The following ERG variants were observed in gnomAD, a reference collection of about 807,000 sequenced individuals.
The protein encoded by ERG is transcriptional regulator ERG.
ERG carries 9 observed loss-of-function variants against 55.3 expected under a neutral mutation model. The ratio of observed to expected loss-of-function variants is 0.16; its 90% confidence interval spans 0.10 to 0.28. ERG has a LOEUF of 0.28. ERG is among the 10% of genes least tolerant of loss of function. The pLI, the probability that ERG is intolerant of heterozygous loss-of-function variation, is 1.00. For synonymous variants in ERG, 223 were observed against 237.3 expected (o/e 0.94, Z 0.55); for missense variants, 434 against 631.6 (o/e 0.69, Z 3.35).
intron 2 of ERG, among the ~76,000 whole-genome samples, chr21:38,434,270 T>G (rs934165610): frequency 6.6e-6 from 1 of 152,124 alleles, no homozygotes; most frequent in African/African-American, 2.4e-5. Flanking sequence ...TCTCCCCAAC[T>G]CCATGTGCTC....
At chr21:38,391,560 C>T (rs1161861017) in intron 8 of ERG, 99 bp downstream of exon 8, 5 of 1,029,716 alleles carry the variant, frequency 4.9e-6, no homozygotes, top group Admixed American at 4.4e-5. Flanking sequence ...AAGAGGCAAA[C>T]AATCATGTTA....
At chr21:38,463,868 C>T (rs1031846097) in intron 1 of ERG, among the ~76,000 whole-genome samples, 1 of 152,166 alleles carries the variant, frequency 6.6e-6, no homozygotes. Flanking sequence ...GCACGTAATC[C>T]AGGCTTTGTA....
At chr21:38,511,498 A>T (rs920359392) in intron 2 of ERG, among the ~76,000 whole-genome samples, 4 of 152,322 alleles carry the variant, frequency 2.6e-5, no homozygotes, top group African/African-American at 9.6e-5. Context: ...GATAAGACAC[A>T]ATCATATCAT....
At chr21:38,399,058 T>G (rs1401876032) in intron 6 of ERG, among the ~76,000 whole-genome samples, 2 of 152,236 alleles carry the variant, frequency 1.3e-5, no homozygotes, top group East Asian at 3.8e-4. Flanking sequence ...TGAATTTCTA[T>G]TTTCCACTCG....
intron 2 of ERG, among the ~76,000 whole-genome samples, chr21:38,516,611 AC>A (rs1250306217): frequency 5.3e-5 from 8 of 151,934 alleles, no homozygotes; most frequent in African/African-American, 1.2e-4. Flanking sequence ...ATAGAAAAAA[AC>A]AATCCTAAAA....
At chr21:38,573,569 G>C (rs368964148) in intron 2 of ERG, among the ~76,000 whole-genome samples, 4 of 152,152 alleles carry the variant, frequency 2.6e-5, no homozygotes, top group Non-Finnish European at 4.4e-5. Flanking sequence ...GCACATCCAG[G>C]CATAGTACCT....
At chr21:38,497,904 C>T (rs2059392750) in intron 1 of ERG, among the ~76,000 whole-genome samples, 3 of 152,300 alleles carry the variant, frequency 2.0e-5, no homozygotes, top group South Asian at 4.1e-4. Flanking sequence ...AGTATCTCTT[C>T]GCTTCCACTG....
At chr21:38,389,172 C>T (rs934037175) in intron 9 of ERG, among the ~76,000 whole-genome samples, 3 of 152,164 alleles carry the variant, frequency 2.0e-5, no homozygotes, top group African/African-American at 7.2e-5. Context: ...CATACTTAGT[C>T]AGTGGCAGAG....
intron 1 of ERG, among the ~76,000 whole-genome samples, chr21:38,619,021 G>A (rs1010615729): frequency 3.3e-5 from 5 of 152,152 alleles, no homozygotes; most frequent in East Asian, 1.9e-4. Context: ...ATGCAAAGCC[G>A]GGTTCAGTGG....
chr21:38,416,295 T>C (rs1406407826), intron 3 of ERG, among the ~76,000 whole-genome samples: 1 of 152,214 alleles, frequency 6.6e-6, no homozygotes, highest in Non-Finnish European at 1.5e-5. Context: ...AGGAAGACGG[T>C]CGATGGTCAG....
intron 2 of ERG, among the ~76,000 whole-genome samples, chr21:38,567,775 GC>G (rs749125607): frequency 1.3e-5 from 2 of 152,190 alleles, no homozygotes; most frequent in Non-Finnish European, 2.9e-5. Context: ...ATCATCACCA[GC>G]CCCGAGACAT....
intron 2 of ERG, among the ~76,000 whole-genome samples, chr21:38,424,187 G>GTCTCTCT (rs1569087250): frequency 0.038 from 4,132 of 110,036 alleles, 212 homozygotes; most frequent in African/African-American, 0.06. Context: ...CAGAGCTCGA[G>GTCTCTCT]CTCTCTCTCT....
chr21:38,660,268 C>A (rs190768716), intron 1 of ERG, among the ~76,000 whole-genome samples: 36 of 152,370 alleles, frequency 2.4e-4, no homozygotes, highest in African/African-American at 5.5e-4. Context: ...GAAGTCCCCG[C>A]GGTGTGCTCT....
chr21:38,441,849 C>G (rs2058843986), intron 2 of ERG, among the ~76,000 whole-genome samples: 1 of 152,204 alleles, frequency 6.6e-6, no homozygotes. Flanking sequence ...GCACGTAGGC[C>G]TGGATTGAAG....
At chr21:38,424,668 C>T (rs1162845701) in intron 2 of ERG, among the ~76,000 whole-genome samples, 19 of 152,184 alleles carry the variant, frequency 1.2e-4, no homozygotes, top group Admixed American at 1.2e-3. Context: ...CCTGGAACGA[C>T]GTTCCTTCTC....
chr21:38,583,064 T>C (rs1267881874), intron 1 of ERG, among the ~76,000 whole-genome samples: 1 of 152,266 alleles, frequency 6.6e-6, no homozygotes, highest in Non-Finnish European at 1.5e-5. Flanking sequence ...GAAAACATTG[T>C]AGGCAAAATG....
chr21:38,459,485 G>A (rs953432855), intron 1 of ERG, among the ~76,000 whole-genome samples: 4 of 152,294 alleles, frequency 2.6e-5, no homozygotes, highest in South Asian at 4.1e-4. Flanking sequence ...TTTATAGCAC[G>A]TCTTCACAGA....
intron 1 of ERG, among the ~76,000 whole-genome samples, chr21:38,456,082 A>G (rs1043855444): frequency 2.6e-5 from 4 of 152,202 alleles, no homozygotes; most frequent in African/African-American, 9.6e-5. Context: ...TTTTGCACCA[A>G]AATGAGATCG....
At chr21:38,621,514 T>A (rs2060290148) in intron 1 of ERG, among the ~76,000 whole-genome samples, 1 of 152,076 alleles carries the variant, frequency 6.6e-6, no homozygotes, top group Non-Finnish European at 1.5e-5. Flanking sequence ...GGACCCAGAA[T>A]AAAAGACACA....
Sources: allele counts gnomAD v4.1 joint callset (sites outside exome capture counted in the v4.1 genomes callset), GRCh38; gene constraint gnomAD v4.1.1; transcripts MANE v1.5; gene names NCBI Gene and HGNC (gene_info 2026-07-23, HGNC 2026-07-21).